Variants in VWA8 observed in about 807,000 individuals in gnomAD.
VWA8 encodes von Willebrand factor A domain containing 8.
VWA8 carries 221 observed loss-of-function variants against 241.5 expected under a neutral mutation model. The ratio of observed to expected loss-of-function variants is 0.91; its 90% CI spans 0.82 to 1.02. The LOEUF is 1.02. VWA8 is among the 50% of genes least tolerant of loss of function. VWA8 has a pLI of 0.00. For missense variants in VWA8, 2,322 were observed against 2,328.7 expected (o/e 1.00, Z 0.06); for synonymous variants, 852 against 827.1 (o/e 1.03, Z -0.52).
chr13:41,719,626 G>A lies in VWA8; in HGVS notation c.3081C>T (p.Ile1027=), dbSNP rs374661992. Residue 1027 remains isoleucine (I), a synonymous_variant, in exon 26 of 45, where the codon ATC becomes ATT. Transcript: ENST00000379310. ...GCTGCACACTGGTAGGCTTTGCTCC[G>A]ATAGGTATCCCGTATTTGTGTAAAG... is the stretch of plus-strand genomic sequence containing the variant. ...INTLHKYGIP[I]GAKPTSVQLA... is the part of the protein sequence containing the mutation. 8.7e-6 allele frequency: 14 copies of A among 1,613,026 alleles called. No homozygotes were observed. Among genetic ancestry groups the A allele is most frequent in the Non-Finnish European group, 1.2e-5 (14 of 1,179,318 alleles).
intron 37 of VWA8, among the ~76,000 whole-genome samples, chr13:41,621,325 G>A (rs539056050): frequency 6.6e-6 from 1 of 152,318 alleles, no homozygotes; most frequent in East Asian, 1.9e-4. Flanking sequence ...TAGATCTGGT[G>A]TATTAAACAC....
chr13:41,658,240 A>AT (rs2044923032), intron 37 of VWA8, among the ~76,000 whole-genome samples: 1 of 152,236 alleles, frequency 6.6e-6, no homozygotes, highest in Non-Finnish European at 1.5e-5. Context: ...GAGAGGATAG[A>AT]TGGCGCTCAG....
intron 17 of VWA8, among the ~76,000 whole-genome samples, chr13:41,805,703 A>G (rs1388205923): frequency 6.6e-6 from 1 of 152,014 alleles, no homozygotes; most frequent in African/African-American, 2.4e-5. Context: ...AATCCCAACT[A>G]CTTGGGAGGC....
Position 41,693,092 on chromosome 13 carries a change from A to G in VWA8, c.3565-120T>C, listed in dbSNP as rs544176555. On this transcript the variant is annotated intron_variant, in intron 29 of 44. Transcript: ENST00000379310. ...ATAGTGATAAATCAAAACAAAGACA[A>G]TATTGTAATACTTAAGAAATATCAC... 103 of 620,438 alleles carry G rather than the reference A, an allele frequency of 1.7e-4. 1 individual carries two copies. In the South Asian group the frequency reaches 1.9e-3, roughly 12 times the overall value. 38.4% of individuals were successfully genotyped at this position (620,438 alleles called of 1,614,324 possible).
intron 21 of VWA8, among the ~76,000 whole-genome samples, chr13:41,737,728 T>G (rs1309752369): frequency 2.6e-5 from 4 of 152,224 alleles, no homozygotes; most frequent in African/African-American, 7.2e-5. Flanking sequence ...TGCTAACTAT[T>G]TGACATGATG....
At chr13:41,900,517 G>A (rs969562539) in intron 4 of VWA8, among the ~76,000 whole-genome samples, 4 of 152,164 alleles carry the variant, frequency 2.6e-5, no homozygotes, top group Admixed American at 1.3e-4. Context: ...ATAAAAGTAG[G>A]TGTGTGACCT....
chr13:41,582,301 C>T (rs952302494), intron 42 of VWA8, among the ~76,000 whole-genome samples: 1 of 152,138 alleles, frequency 6.6e-6, no homozygotes. Context: ...AATGAGCCTC[C>T]GGGACCTAGA....
chr13:41,627,742 G>A lies in VWA8; in HGVS notation c.4612-12658C>T, dbSNP rs190723198. On this transcript the variant is annotated intron_variant, in intron 37 of 44. Coordinates refer to ENST00000379310, the MANE Select transcript of VWA8 (RefSeq NM_015058.2). Reference sequence around the variant, plus strand: ...AGTTCCAGGTGAAGACACCACCACTGGCCATCAAGAAACTACCCTGCCTCC... The same window carrying A: ...AGTTCCAGGTGAAGACACCACCACTAGCCATCAAGAAACTACCCTGCCTCC... Among the ~76,000 whole-genome samples, 6 of 152,184 alleles carry A rather than the reference G, an allele frequency of 3.9e-5. No individual in the cohort carries two copies. In the East Asian group the frequency reaches 1.2e-3, roughly 29 times the overall value.
Position 41,685,194 on chromosome 13 carries a change from G to A in VWA8, c.4180C>T (p.Arg1394Ter), listed in dbSNP as rs201613831. 27 of 1,613,074 alleles carry A rather than the reference G, an allele frequency of 1.7e-5. 1 individual carries two copies. The highest frequency in any genetic ancestry group is 6.7e-5 in the African/African-American group (5 of 74,836). ...SWKRPSSLHK[R>*]SGTDTSFYRG... ...TAGAATGATGTATCAGTGCCACTTC[G>A]TTTATGCAAAGATGATGGTCTCTTC... Residue 1394 changes from arginine (R) to a stop codon, truncating the protein, a stop_gained, in exon 35 of 45, where the codon CGA (arginine) becomes TGA (stop). Coordinates refer to ENST00000379310, the MANE Select transcript of VWA8 (RefSeq NM_015058.2). LOFTEE classifies it high-confidence loss of function.
intron 12 of VWA8, among the ~76,000 whole-genome samples, chr13:41,859,178 T>G (rs552160824): frequency 2.0e-5 from 3 of 148,498 alleles, no homozygotes; most frequent in Admixed American, 6.7e-5. Flanking sequence ...TGTCTTGAAA[T>G]CTTCATAAGA....
chr13:41,933,945 C>T (rs939998429), intron 2 of VWA8, among the ~76,000 whole-genome samples: 1 of 151,686 alleles, frequency 6.6e-6, no homozygotes, highest in Admixed American at 6.6e-5. Context: ...AAAGCACAAT[C>T]CATAAAAGTA....
chr13:41,887,228 T>G lies in VWA8; in HGVS notation c.785A>C (p.Gln262Pro), dbSNP rs148125450. Residue 262 changes from glutamine (Q) to proline (P), a missense_variant, in exon 6 of 45, where the codon CAA becomes CCA. Gln to Pro is a moderately conservative substitution (Grantham distance 76). Transcript: ENST00000379310. ...PLDPPLRSRFQARDIYYLPFK... is the reference protein window; with the variant it reads ...PLDPPLRSRFPARDIYYLPFK... ...GGGTAAATAATAAATATCCCTGGCT[T>G]GAAATCGAGAACGAAGAGGGGGGTC... is the stretch of plus-strand genomic sequence containing the variant. 6 of 1,613,320 alleles carry G rather than the reference T, an allele frequency of 3.7e-6. No individual in the cohort carries two copies. Among genetic ancestry groups the G allele is most frequent in the Non-Finnish European group, 5.1e-6 (6 of 1,179,798 alleles).
At chr13:41,840,964 T>C (rs1871972514) in intron 12 of VWA8, among the ~76,000 whole-genome samples, 2 of 152,170 alleles carry the variant, frequency 1.3e-5, no homozygotes, top group South Asian at 4.1e-4. Context: ...AAGTGCCAGG[T>C]ACTTTGCATA....
At chr13:41,947,330 G>A (rs949862533) in intron 2 of VWA8, among the ~76,000 whole-genome samples, 1 of 152,192 alleles carries the variant, frequency 6.6e-6, no homozygotes, top group Non-Finnish European at 1.5e-5. Flanking sequence ...CAAAGAATAG[G>A]AGAGGAGAGT....
intron 43 of VWA8, among the ~76,000 whole-genome samples, chr13:41,574,275 C>CAACA (rs2044336821): frequency 6.6e-6 from 1 of 151,646 alleles, no homozygotes; most frequent in Non-Finnish European, 1.5e-5. Flanking sequence ...TGCTATATGC[C>CAACA]AACAATGACC....
At chr13:41,729,458 AAGT>A (rs1183976715) in intron 23 of VWA8, 81 bp downstream of exon 23, 18 of 1,340,678 alleles carry the variant, frequency 1.3e-5, no homozygotes, top group Non-Finnish European at 1.6e-5. Flanking sequence ...TATTGTAAAT[AAGT>A]AGGCAGCTAA....
At chr13:41,757,837 T>C (rs1326748466) in intron 21 of VWA8, among the ~76,000 whole-genome samples, 2 of 151,614 alleles carry the variant, frequency 1.3e-5, no homozygotes, top group Admixed American at 6.6e-5. Context: ...GGACAAGTAA[T>C]ATGACAATGA....
rs796341614 is a variant in VWA8, at chr13:41,591,839, G to A, written c.4987-1074C>T. ...CAACAGGTGCTGGAGAGGATGCGGAGAAATAGGAACACTTTTACACTGTTG... is the reference window on the plus strand; with the variant it reads ...CAACAGGTGCTGGAGAGGATGCGGAAAAATAGGAACACTTTTACACTGTTG... On this transcript the variant is annotated intron_variant, in intron 40 of 44. Coordinates refer to ENST00000379310, the MANE Select transcript of VWA8 (RefSeq NM_015058.2). Among the ~76,000 whole-genome samples the A allele has an allele frequency of 9.1e-3, 1,340 of 147,178 alleles. 15 individuals are homozygous for A. Among genetic ancestry groups the A allele is most frequent in the Middle Eastern group, 0.051 (15 of 292 alleles).
chr13:41,831,043 T>A (rs999170766), intron 13 of VWA8, among the ~76,000 whole-genome samples: 1 of 152,216 alleles, frequency 6.6e-6, no homozygotes, highest in Non-Finnish European at 1.5e-5. Context: ...AATATTTCTA[T>A]CTTTGGAATT....
Sources: allele counts gnomAD v4.1 joint callset (sites outside exome capture counted in the v4.1 genomes callset), GRCh38; gene constraint gnomAD v4.1.1; transcripts MANE v1.5; gene names NCBI Gene and HGNC (gene_info 2026-07-23, HGNC 2026-07-21).